The following SMG1 variants were observed in gnomAD, a reference collection of about 807,000 sequenced individuals.
SMG1 encodes SMG1 nonsense mediated mRNA decay associated PI3K related kinase, also known as serine/threonine-protein kinase SMG1.
SMG1 carries 22 observed loss-of-function variants against 419.9 expected under a neutral mutation model. The ratio of observed to expected loss-of-function variants is 0.05; its 90% confidence interval spans 0.04 to 0.07. SMG1 has a LOEUF of 0.07. Among genes scored for constraint, SMG1 ranks in the 10% least tolerant of loss-of-function variants. The probability of loss-of-function intolerance (pLI) is 1.00; values close to 1 mark genes in which losing one functional copy is unlikely to be tolerated. For missense variants in SMG1, 3,185 were observed against 4,342.0 expected (o/e 0.73, Z 7.49); for synonymous variants, 1,538 against 1,553.5 (o/e 0.99, Z 0.23).
At chr16:18,847,305 G>A in intron 38 of SMG1, 148 bp downstream of exon 38, 1 of 778,214 alleles carries the variant, frequency 1.3e-6, no homozygotes. Flanking sequence ...TCTGGAAATG[G>A]ACCGTGGTGA....
chr16:18,896,896 A>G lies in SMG1; in HGVS notation c.153T>C (p.Gly51=), dbSNP rs768739177. Residue 51 remains glycine, a synonymous_variant, in exon 2 of 63, where the codon GGT becomes GGC. Coordinates refer to ENST00000446231, the MANE Select transcript of SMG1 (RefSeq NM_015092.5). ...NLKYSSSRDR[G]GSSSYGLQPS... ...GTTGCAGTCCATAAGAGGAAGAACC[A>G]CCTCTATCTCTGGATGAAGAATATT... The G allele has an allele frequency of 3.1e-6, 5 of 1,604,056 alleles. No homozygotes were observed. The South Asian group carries it at 5.5e-5, about 18-fold the overall frequency.
Position 18,835,985 on chromosome 16 carries a change from C to T in SMG1, c.8005G>A (p.Glu2669Lys). ...ACTGTGGTGTTACAGATGAGCTCTT[C>T]CATCCAGGTCTTCCACTGTTCAATT... The part of the protein sequence containing the change: ...HRIEQWKTWM[E>K]ELICNTTVER... Residue 2669 changes from glutamate (E) to lysine (K), a missense_variant, in exon 48 of 63, where the codon GAA (glutamate) becomes AAA (lysine). Physicochemically the swap from Glu to Lys is moderately conservative, Grantham distance 56. Transcript: ENST00000446231. 6.4e-7 allele frequency: 1 copy of T among 1,555,046 alleles called. No homozygotes were observed. Among genetic ancestry groups the T allele is most frequent in the Non-Finnish European group, 8.7e-7 (1 of 1,148,580 alleles).
At chr16:18,903,278 G>A (rs1042683468) in intron 1 of SMG1, among the ~76,000 whole-genome samples, 2 of 152,160 alleles carry the variant, frequency 1.3e-5, no homozygotes, top group Non-Finnish European at 2.9e-5. Flanking sequence ...GTAACTCCAG[G>A]AGGGCAGTAG....
intron 42 of SMG1, 124 bp from the exon 43 acceptor site, chr16:18,838,813 A>G: frequency 1.5e-6 from 1 of 688,056 alleles, no homozygotes; most frequent in Non-Finnish European, 2.4e-6. Flanking sequence ...AAATAAATCA[A>G]CAAATAAAAA....
chr16:18,918,129 G>A (rs1366345439), intron 1 of SMG1, among the ~76,000 whole-genome samples: 1 of 151,816 alleles, frequency 6.6e-6, no homozygotes, highest in African/African-American at 2.4e-5. Flanking sequence ...GTGTGGTGGT[G>A]CGTGCCTGTA....
At position 18,808,612 on chromosome 16, in the gene SMG1, C is replaced by T. The variant is rs987874105; in HGVS notation, c.*957G>A. 2.0e-5 allele frequency: 3 copies of T among 152,508 alleles called. No homozygotes were observed. The highest frequency in any genetic ancestry group is 7.2e-5 in the African/African-American group (3 of 41,406). The allele number at this position is 152,508 out of a possible 1,614,324, so 9.4% of individuals were successfully genotyped here. ...TTGAATGACCTCCAAAAAAAATGCA[C>T]ACTATAAGCAAAAGGGAGTGTACAT... On this transcript the variant is annotated 3_prime_UTR_variant, in exon 63 of 63. Transcript: ENST00000446231.
intron 23 of SMG1, among the ~76,000 whole-genome samples, chr16:18,865,251 T>C (rs2035438298): frequency 1.3e-5 from 2 of 152,220 alleles, no homozygotes; most frequent in African/African-American, 4.8e-5. Context: ...ACTTCTACTA[T>C]TAGTCATTAA....
At position 18,812,248 on chromosome 16, in the gene SMG1, C is replaced by T; in HGVS notation, c.10622-121G>A. On this transcript the variant is annotated intron_variant, in intron 60 of 62. Coordinates refer to ENST00000446231, the MANE Select transcript of SMG1 (RefSeq NM_015092.5). ...CCCAATTAAATAATCAACTATAAATCCTTATCCTTGGACACAGCAATTGTC... is the reference window on the plus strand; with the variant it reads ...CCCAATTAAATAATCAACTATAAATTCTTATCCTTGGACACAGCAATTGTC... The T allele has an allele frequency of 3.1e-6, 3 of 953,602 alleles. 1 individual carries two copies. Among genetic ancestry groups the T allele is most frequent in the Middle Eastern group, 6.9e-4 (2 of 2,886 alleles). 59.1% of individuals were successfully genotyped at this position (953,602 alleles called of 1,614,324 possible).
intron 1 of SMG1, among the ~76,000 whole-genome samples, chr16:18,910,931 C>T (rs2037768533): frequency 6.6e-6 from 1 of 152,152 alleles, no homozygotes. Flanking sequence ...AGAATCAGTT[C>T]TTAAATTCCA....
At chr16:18,876,039 T>C (rs1218593781) in intron 13 of SMG1, 85 bp downstream of exon 13, 11 of 1,436,398 alleles carry the variant, frequency 7.7e-6, no homozygotes, top group Non-Finnish European at 9.7e-6. Flanking sequence ...TGCAGACATC[T>C]TGACATGACA....
chr16:18,842,075 T>C lies in SMG1; in HGVS notation c.6466+133A>G, dbSNP rs917151759. ...CTGCCGTTCAAAAGCACATAAGATA[T>C]AGGGCACTGCAGGCTAATAATGACA... On this transcript the variant is annotated intron_variant, in intron 40 of 62. Transcript: ENST00000446231. 1.1e-5 allele frequency: 11 copies of C among 994,924 alleles called. 1 individual carries two copies. The highest frequency in any genetic ancestry group is 8.5e-5 in the South Asian group (5 of 58,868). 61.6% of individuals were successfully genotyped at this position (994,924 alleles called of 1,614,324 possible). A position where few individuals can be genotyped will look rare whatever the true frequency, so the allele number is the denominator to read the frequency against.
chr16:18,818,937 C>A (rs2141134830), intron 56 of SMG1, among the ~76,000 whole-genome samples: 1 of 151,814 alleles, frequency 6.6e-6, no homozygotes, highest in African/African-American at 2.4e-5. Flanking sequence ...CTGCCTCAGA[C>A]TCCTGAGCAG....
chr16:18,830,092 T>G lies in SMG1; in HGVS notation c.8967A>C (p.Ile2989=), dbSNP rs2033061686. ...VEKLNKMEIP[I]AWRKIDIIRE... Reference sequence around the variant, plus strand: ...TTATGATGTCAATCTTTCGCCAAGCTATGGGAATTTCCATCTTGTTCAACT... The same window carrying G: ...TTATGATGTCAATCTTTCGCCAAGCGATGGGAATTTCCATCTTGTTCAACT... The change falls in exon 53 of 63, where the codon ATA becomes ATC. Residue 2989 remains isoleucine, a synonymous_variant. Coordinates refer to ENST00000446231, the MANE Select transcript of SMG1 (RefSeq NM_015092.5). The G allele has an allele frequency of 6.2e-7, 1 of 1,603,120 alleles. No individual in the cohort carries two copies. Among genetic ancestry groups the G allele is most frequent in the Non-Finnish European group, 8.5e-7 (1 of 1,174,902 alleles).
In SMG1 at chr16:18,833,461, A is replaced by T. The variant is rs187145978; in HGVS notation, c.8566-295T>A. ...TTAAGAACAAAAAGAACTGCCCTAA[A>T]GTATGTTATATAATGTTATTAATTT... On this transcript the variant is annotated intron_variant, in intron 50 of 62. Coordinates refer to ENST00000446231, the MANE Select transcript of SMG1 (RefSeq NM_015092.5). Among the ~76,000 whole-genome samples, 392 of 152,184 alleles carry T rather than the reference A, an allele frequency of 2.6e-3. 4 individuals are homozygous for T. Among genetic ancestry groups the T allele is most frequent in the Non-Finnish European group, 2.3e-3 (154 of 67,998 alleles).
intron 1 of SMG1, among the ~76,000 whole-genome samples, chr16:18,917,659 C>G (rs2038029913): frequency 6.6e-6 from 1 of 151,482 alleles, no homozygotes; most frequent in Non-Finnish European, 1.5e-5. Flanking sequence ...TTCACCACAA[C>G]CTTGGCCTCC....
At chr16:18,898,079 T>C (rs984914602) in intron 1 of SMG1, among the ~76,000 whole-genome samples, 7 of 152,208 alleles carry the variant, frequency 4.6e-5, no homozygotes, top group Non-Finnish European at 8.8e-5. Context: ...GTATACTGTA[T>C]ATATTTCGTT....
intron 1 of SMG1, among the ~76,000 whole-genome samples, chr16:18,903,858 T>G (rs1286614110): frequency 1.3e-5 from 2 of 151,762 alleles, no homozygotes; most frequent in Non-Finnish European, 2.9e-5. Context: ...CTTCGCATAA[T>G]GGAACAAATA....
chr16:18,896,984 G>A, intron 1 of SMG1, 28 bp from the exon 2 acceptor site: 4 of 1,427,546 alleles, frequency 2.8e-6, no homozygotes, highest in Admixed American at 4.5e-5. Context: ...TTTAAGATTA[G>A]AACTTTAAAT....
chr16:18,925,808 G>C (rs965004207), intron 1 of SMG1, 142 bp downstream of exon 1: 1 of 560,750 alleles, frequency 1.8e-6, no homozygotes, highest in African/African-American at 2.0e-5. Context: ...CCCCAGCCGG[G>C]GCGGAGGAGA....
Sources: gnomAD v4.1 joint callset for allele counts (sites outside exome capture counted in the v4.1 genomes callset) on GRCh38, gnomAD v4.1.1 for gene constraint, MANE v1.5 for transcripts, NCBI Gene and HGNC (gene_info 2026-07-23, HGNC 2026-07-21) for gene names.